Variants in OR56A3 observed in about 807,000 individuals in gnomAD.
The protein encoded by OR56A3 is olfactory receptor family 56 subfamily A member 3, also known as olfactory receptor 56A3.
OR56A3 carries 23 observed loss-of-function variants against 17.5 expected under a neutral mutation model. The ratio of observed to expected loss-of-function variants is 1.32; its 90% CI spans 0.95 to 1.87. OR56A3 has a LOEUF of 1.87. Among genes scored for constraint, OR56A3 ranks in the 40% most tolerant of loss-of-function variants. The pLI is 0.00. For missense variants in OR56A3, 366 were observed against 380.1 expected (o/e 0.96, Z 0.31); for synonymous variants, 175 against 150.6 (o/e 1.16, Z -1.19).
At chr11:5,957,560 T>C in the OR56A3 span, among the ~76,000 whole-genome samples, 23 of 152,090 alleles carry the variant, frequency 1.5e-4, no homozygotes, top group Admixed American at 1.5e-3. Flanking sequence ...CATTGGAGAA[T>C]AGGAAACTAT....
Position 5,951,305 on chromosome 11 carries a change from T to C in OR56A3, c.*3011T>C, listed in dbSNP as rs1403657366. On this transcript the variant is annotated 3_prime_UTR_variant, in exon 3 of 3. Transcript: ENST00000641160. Reference sequence around the variant, plus strand: ...TAAAGGTTTATCAGAAGGTAAATGATAAACATTATTTGTAATTCATTAAAT... The same window carrying C: ...TAAAGGTTTATCAGAAGGTAAATGACAAACATTATTTGTAATTCATTAAAT... 1.3e-5 allele frequency: 2 copies of C among 151,608 alleles called. No homozygotes were observed. The highest frequency in any genetic ancestry group is 1.5e-5 in the Non-Finnish European group (1 of 67,602). The allele number at this position is 151,608 out of a possible 1,614,324, so 9.4% of individuals were successfully genotyped here.
the OR56A3 span, among the ~76,000 whole-genome samples, chr11:5,979,881 T>A: frequency 6.6e-6 from 1 of 152,164 alleles, no homozygotes; most frequent in Non-Finnish European, 1.5e-5. Flanking sequence ...TTCTCATATG[T>A]TATATCTCTG....
the OR56A3 span, among the ~76,000 whole-genome samples, chr11:6,003,941 T>C: frequency 6.6e-6 from 1 of 152,254 alleles, no homozygotes; most frequent in Non-Finnish European, 1.5e-5. Context: ...TGTAAACTCA[T>C]CTGCTTTGAT....
the OR56A3 span, among the ~76,000 whole-genome samples, chr11:6,012,913 C>T: frequency 1.3e-5 from 2 of 152,260 alleles, no homozygotes; most frequent in Non-Finnish European, 2.9e-5. Context: ...CCAAGCTCAG[C>T]CCCAACTCTG....
At position 5,947,978 on chromosome 11, in the gene OR56A3, T is replaced by G; in HGVS notation, c.632T>G (p.Leu211Arg). 10 of 1,614,212 alleles carry G rather than the reference T, an allele frequency of 6.2e-6. No individual in the cohort carries two copies. Among genetic ancestry groups the G allele is most frequent in the Non-Finnish European group, 8.5e-6 (10 of 1,180,034 alleles). ...LYQFAGGWTL[L>R]GSDLILIFLS... ...CAATTTGCTGGAGGCTGGACTCTGC[T>G]AGGATCTGACCTCATCCTTATCTTC... The change falls in exon 3 of 3, where the codon CTA becomes CGA. Residue 211 changes from leucine (L) to arginine (R), a missense_variant. Leu to Arg is a moderately radical substitution (Grantham distance 102). Coordinates refer to ENST00000641160, the MANE Select transcript of OR56A3 (RefSeq NM_001003443.3).
At chr11:5,986,598 C>A in the OR56A3 span, 4 of 1,613,778 alleles carry the variant, frequency 2.5e-6, no homozygotes, top group Non-Finnish European at 3.4e-6. Context: ...AGACGATGTA[C>A]CCAATCTCGT....
chr11:5,965,516 T>C, the OR56A3 span, among the ~76,000 whole-genome samples: 1 of 152,188 alleles, frequency 6.6e-6, no homozygotes, highest in Non-Finnish European at 1.5e-5. Context: ...GTAAGTATCT[T>C]TGGAGAATAC....
the OR56A3 span, among the ~76,000 whole-genome samples, chr11:5,984,564 A>G: frequency 6.6e-6 from 1 of 152,198 alleles, no homozygotes; most frequent in African/African-American, 2.4e-5. Flanking sequence ...GTAATACATC[A>G]TACCCTGATT....
At chr11:5,978,332 A>G in the OR56A3 span, among the ~76,000 whole-genome samples, 2 of 152,118 alleles carry the variant, frequency 1.3e-5, no homozygotes, top group South Asian at 4.1e-4. Flanking sequence ...GATTGTTTCT[A>G]TCCATGAGCA....
the OR56A3 span, among the ~76,000 whole-genome samples, chr11:6,010,931 C>T: frequency 6.6e-6 from 1 of 151,672 alleles, no homozygotes; most frequent in Non-Finnish European, 1.5e-5. Flanking sequence ...TATCTGGGTG[C>T]CTTAATTTTA....
At chr11:5,982,495 T>G in the OR56A3 span, among the ~76,000 whole-genome samples, 1 of 152,102 alleles carries the variant, frequency 6.6e-6, no homozygotes, top group Non-Finnish European at 1.5e-5. Flanking sequence ...CAACTGAGGC[T>G]GTGATGAAGC....
chr11:6,012,583 A>G, the OR56A3 span, among the ~76,000 whole-genome samples: 2 of 152,098 alleles, frequency 1.3e-5, no homozygotes, highest in East Asian at 3.9e-4. Context: ...TCATCTCATT[A>G]TCTCTCGATC....
At chr11:5,984,317 C>T in the OR56A3 span, among the ~76,000 whole-genome samples, 1 of 152,152 alleles carries the variant, frequency 6.6e-6, no homozygotes, top group African/African-American at 2.4e-5. Flanking sequence ...ACTTTTTAGG[C>T]TGTAGGTTGG....
chr11:5,951,524 T>TA (rs1462640964), downstream of OR56A3, among the ~76,000 whole-genome samples: 1 of 152,160 alleles, frequency 6.6e-6, no homozygotes, highest in East Asian at 1.9e-4. Flanking sequence ...GTGTTATTCA[T>TA]AAAATGTTGA....
the OR56A3 span, chr11:5,968,333 CAGAT>C: frequency 6.2e-7 from 1 of 1,613,104 alleles, no homozygotes; most frequent in African/African-American, 1.3e-5. Context: ...GAGAGGCTTC[CAGAT>C]AGATGGTGAT....
At chr11:5,965,019 G>T in the OR56A3 span, among the ~76,000 whole-genome samples, 1 of 152,052 alleles carries the variant, frequency 6.6e-6, no homozygotes, top group Non-Finnish European at 1.5e-5. Flanking sequence ...TCTTGTAAAG[G>T]TATTTAATGC....
chr11:5,969,500 T>C, the OR56A3 span, among the ~76,000 whole-genome samples: 8 of 152,196 alleles, frequency 5.3e-5, no homozygotes, highest in African/African-American at 1.9e-4. Flanking sequence ...CGAGGCTCTA[T>C]CCCTTCTCTG....
chr11:5,985,947 CT>C, the OR56A3 span: 11 of 1,604,080 alleles, frequency 6.9e-6, no homozygotes, highest in Non-Finnish European at 8.5e-6. Flanking sequence ...CAGATCAATC[CT>C]TTTGTGTAAA....
At chr11:5,942,511 T>G (rs1847844769) in intron 1 of OR56A3, 137 bp downstream of exon 1, 1 of 152,192 alleles carries the variant, frequency 6.6e-6, no homozygotes, top group African/African-American at 2.4e-5. Flanking sequence ...AGTGCATAAT[T>G]TGGAGCCAAG....
Sources: allele counts gnomAD v4.1 joint callset (sites outside exome capture counted in the v4.1 genomes callset), GRCh38; gene constraint gnomAD v4.1.1; transcripts MANE v1.5; gene names NCBI Gene and HGNC (gene_info 2026-07-23, HGNC 2026-07-21).